The following BTD variants were observed in gnomAD, a reference collection of about 807,000 sequenced individuals.
The protein encoded by BTD is biocytinase.
In BTD, 13 loss-of-function variants were observed where a neutral mutation model predicts 17.7. The ratio of observed to expected loss-of-function variants is 0.74; its 90% CI spans 0.48 to 1.17. The LOEUF (loss-of-function observed/expected upper bound fraction) is 1.17, where lower values mean the gene tolerates loss of function less well. Among genes scored for constraint, BTD ranks in the 50% most tolerant of loss-of-function variants. The probability of loss-of-function intolerance (pLI) is 0.00; values close to 1 mark genes in which losing one functional copy is unlikely to be tolerated. For missense variants in BTD, 674 were observed against 650.4 expected (o/e 1.04, Z -0.39); for synonymous variants, 240 against 245.2 (o/e 0.98, Z 0.20).
At position 15,645,020 on chromosome 3, in the gene BTD, G is replaced by T. The variant is rs750109648; in HGVS notation, c.1104G>T (p.Val368=). ...GTGATGAGGCCACCAAGTGGAACGT[G>T]AATGCTCCTCCCACATTTCACTCTG... ...VHCDEATKWN[V]NAPPTFHSEM... The change falls in exon 4 of 4, where the codon GTG becomes GTT. Residue 368 remains valine (V), a synonymous_variant. Coordinates refer to ENST00000643237, the MANE Select transcript of BTD (RefSeq NM_001370658.1). 1.2e-6 allele frequency: 2 copies of T among 1,614,196 alleles called. No individual in the cohort carries two copies. The highest frequency in any genetic ancestry group is 1.1e-5 in the South Asian group (1 of 91,084).
rs536513139 is a variant in BTD, at chr3:15,701,346, T to TA, written c.400-8706dup. 3.8e-3 allele frequency among the ~76,000 whole-genome samples: 572 copies of TA among 152,044 alleles called. 2 individuals are homozygous for TA. The highest frequency in any genetic ancestry group is 4.1e-3 in the Non-Finnish European group (280 of 67,976). ...TAAAATTCTTTGGAGTCAAGCATAATAAAAAAAAGAAGATTAAGCTGGGTG... is the reference window on the plus strand; with the variant it reads ...TAAAATTCTTTGGAGTCAAGCATAATAAAAAAAAAGAAGATTAAGCTGGGTG... On this transcript the variant is annotated intron_variant, in intron 3 of 3. Transcript: ENST00000672141.
chr3:15,627,347 C>G (rs183732400), intron 1 of BTD, among the ~76,000 whole-genome samples: 1 of 152,180 alleles, frequency 6.6e-6, no homozygotes, highest in African/African-American at 2.4e-5. Context: ...CTCATCCTTC[C>G]GAGTAGCTAG....
intron 3 of BTD, among the ~76,000 whole-genome samples, chr3:15,661,265 C>CAAAAAAAAAAA (rs56165902): frequency 3.2e-5 from 3 of 93,778 alleles, no homozygotes; most frequent in African/African-American, 9.9e-5. Flanking sequence ...GACTCTGTCT[C>CAAAAAAAAAAA]AAAAAAAAAA....
intron 3 of BTD, chr3:15,685,913 T>G: frequency 1.0e-6 from 1 of 995,520 alleles, no homozygotes; most frequent in Non-Finnish European, 1.5e-6. Context: ...GAACATTTAA[T>G]GAAGAAAAAA....
At chr3:15,629,058 T>C (rs1023374219) in intron 1 of BTD, among the ~76,000 whole-genome samples, 8 of 152,300 alleles carry the variant, frequency 5.3e-5, no homozygotes, top group African/African-American at 1.9e-4. Flanking sequence ...AGTTTGAGTG[T>C]TTAATGCTTT....
chr3:15,678,335 C>T, intron 3 of BTD: 1 of 1,604,802 alleles, frequency 6.2e-7, no homozygotes, highest in Non-Finnish European at 8.5e-7. Flanking sequence ...TCTGTGAAGG[C>T]GGCTGCATGG....
At chr3:15,642,454 CTTTTT>C (rs34597886) in intron 3 of BTD, among the ~76,000 whole-genome samples, 1 of 135,762 alleles carries the variant, frequency 7.4e-6, no homozygotes, top group Non-Finnish European at 1.6e-5. Context: ...TTGACATCCT[CTTTTT>C]TTTTTTTTTT....
Position 15,646,956 on chromosome 3 carries a change from G to C in BTD, c.*1468G>C, listed in dbSNP as rs2065707910. On this transcript the variant is annotated 3_prime_UTR_variant, in exon 4 of 4. Transcript: ENST00000643237. ...CCTCACTGGGGAGACCTTGGGCCTCGGTTTTTTATTCATAGAATGCATGTT... is the reference window on the plus strand; with the variant it reads ...CCTCACTGGGGAGACCTTGGGCCTCCGTTTTTTATTCATAGAATGCATGTT... 6.6e-6 allele frequency: 1 copy of C among 152,102 alleles called. No individual in the cohort carries two copies. The highest frequency in any genetic ancestry group is 2.4e-5 in the African/African-American group (1 of 41,410). The allele number at this position is 152,102 out of a possible 1,614,324, so 9.4% of individuals were successfully genotyped here.
Position 15,617,787 on chromosome 3 carries a change from T to A in BTD, c.-17+15893T>A, listed in dbSNP as rs1241177313. On this transcript the variant is annotated intron_variant, in intron 1 of 3. Coordinates refer to ENST00000643237, the MANE Select transcript of BTD (RefSeq NM_001370658.1). ...TGTGGGTCTATTTCTGGATTCTCTA[T>A]TCTGTTCCATCTATTTGTCTGTTCT... Among the ~76,000 whole-genome samples the A allele has an allele frequency of 3.9e-5, 6 of 152,220 alleles. No homozygotes were observed. In the East Asian group the frequency reaches 1.2e-3, roughly 29 times the overall value.
At chr3:15,714,303 T>C (rs981087483), downstream of BTD, among the ~76,000 whole-genome samples, 1 of 152,026 alleles carries the variant, frequency 6.6e-6, no homozygotes, top group Admixed American at 6.6e-5. Context: ...TAGAAAGTAA[T>C]TTTCTATTTA....
chr3:15,681,378 G>A (rs7637500), intron 3 of BTD, among the ~76,000 whole-genome samples: 3,601 of 152,146 alleles, frequency 0.024, 150 homozygotes, highest in African/African-American at 0.082. Context: ...ATCAATATCT[G>A]GTCCATAGTT....
chr3:15,638,837 A>T (rs947054311), intron 2 of BTD, among the ~76,000 whole-genome samples: 1 of 152,210 alleles, frequency 6.6e-6, no homozygotes, highest in African/African-American at 2.4e-5. Context: ...TACTGTACTG[A>T]ACACTGTAGG....
In BTD at chr3:15,643,338, A is replaced by C. The variant is rs146502476; in HGVS notation, c.400-978A>C. Among the ~76,000 whole-genome samples, 548 of 152,162 alleles carry C rather than the reference A, an allele frequency of 3.6e-3. 1 individual carries two copies. Among genetic ancestry groups the C allele is most frequent in the Non-Finnish European group, 6.2e-3 (424 of 67,988 alleles). ...CAACATGGTGAAACCTCGTCTCTAC[A>C]ATAAATACAAAAATTAGCTGGGTGT... is the stretch of plus-strand genomic sequence containing the variant. On this transcript the variant is annotated intron_variant, in intron 3 of 3. Coordinates refer to ENST00000643237, the MANE Select transcript of BTD (RefSeq NM_001370658.1).
rs184480128 is a variant in BTD at position 15,601,806 on chromosome 3, C to G, written c.-105C>G. 6.2e-7 allele frequency: 1 copy of G among 1,614,128 alleles called. No homozygotes were observed. Among genetic ancestry groups the G allele is most frequent in the Non-Finnish European group, 8.5e-7 (1 of 1,180,022 alleles). ...GAACTCTGAGGCCTCTCGCCATTGTCTCCGAGTCGGCCAGCTGGAGCGTTT... is the reference window on the plus strand; with the variant it reads ...GAACTCTGAGGCCTCTCGCCATTGTGTCCGAGTCGGCCAGCTGGAGCGTTT... On this transcript the variant is annotated 5_prime_UTR_variant, in exon 1 of 4. Coordinates refer to ENST00000643237, the MANE Select transcript of BTD (RefSeq NM_001370658.1).
chr3:15,670,699 G>A (rs893884173), intron 3 of BTD: 38 of 870,090 alleles, frequency 4.4e-5, no homozygotes, highest in South Asian at 1.3e-4. Context: ...AGCATGATTC[G>A]CAAGTTTCTA....
intron 3 of BTD, among the ~76,000 whole-genome samples, chr3:15,692,985 T>G (rs1278588858): frequency 6.6e-6 from 1 of 152,076 alleles, no homozygotes; most frequent in African/African-American, 2.4e-5. Flanking sequence ...CTAGATGAAA[T>G]AAGCCAGTCA....
rs1395449961 is a variant in BTD at position 15,651,273 on chromosome 3, G to A, written c.*5785G>A. Among the ~76,000 whole-genome samples the A allele has an allele frequency of 4.6e-5, 7 of 152,304 alleles. No homozygotes were observed. In the East Asian group the frequency reaches 1.4e-3, roughly 29 times the overall value. On this transcript the variant is annotated 3_prime_UTR_variant, in exon 4 of 4. Coordinates refer to ENST00000643237, the MANE Select transcript of BTD (RefSeq NM_001370658.1). ...AATGTCCACGAGGCTTTTTTCCTCTGAGCAGAAATTTCACTGTGATGCCAG... is the reference window on the plus strand; with the variant it reads ...AATGTCCACGAGGCTTTTTTCCTCTAAGCAGAAATTTCACTGTGATGCCAG...
chr3:15,701,421 G>C (rs1029893261), intron 3 of BTD, among the ~76,000 whole-genome samples: 2 of 152,114 alleles, frequency 1.3e-5, no homozygotes, highest in East Asian at 1.9e-4. Flanking sequence ...GAGGTGGGCG[G>C]AACACCTGAG....
At chr3:15,661,938 T>C (rs1200281481) in intron 3 of BTD, among the ~76,000 whole-genome samples, 1 of 152,234 alleles carries the variant, frequency 6.6e-6, no homozygotes, top group Non-Finnish European at 1.5e-5. Flanking sequence ...GTTAACTATA[T>C]TTATGTGGGT....
Sources: gnomAD v4.1 joint callset for allele counts (sites outside exome capture counted in the v4.1 genomes callset) on GRCh38, gnomAD v4.1.1 for gene constraint, MANE v1.5 for transcripts, NCBI Gene and HGNC (gene_info 2026-07-23, HGNC 2026-07-21) for gene names.